Variants in FUT8 observed in about 807,000 individuals in gnomAD.
FUT8 encodes alpha-(1,6)-fucosyltransferase.
A neutral mutation model predicts 71.3 loss-of-function variants in FUT8; 29 were observed. The ratio of observed to expected loss-of-function variants is 0.41; its 90% CI spans 0.30 to 0.55. FUT8 has a LOEUF of 0.55. FUT8 is among the 20% of genes least tolerant of loss of function. FUT8 has a pLI of 0.34. For synonymous variants in FUT8, 254 were observed against 239.3 expected, an observed-to-expected ratio of 1.06 and a Z score of -0.57; for missense variants, 544 against 702.1, an observed-to-expected ratio of 0.77 and a Z score of 2.55.
intron 6 of FUT8, among the ~76,000 whole-genome samples, chr14:65,657,728 ATAGT>A (rs776122007): frequency 2.0e-4 from 30 of 152,090 alleles, no homozygotes; most frequent in Admixed American, 1.3e-4. Context: ...GGTACAAAAA[ATAGT>A]TAGAAAGAAA....
chr14:65,694,452 A>G (rs1413145351), intron 7 of FUT8, among the ~76,000 whole-genome samples: 2 of 152,156 alleles, frequency 1.3e-5, no homozygotes, highest in Non-Finnish European at 2.9e-5. Flanking sequence ...CTTTTTGTTA[A>G]TGATTTCTAG....
At chr14:65,555,426 C>T (rs1885535648) in intron 2 of FUT8, among the ~76,000 whole-genome samples, 1 of 152,140 alleles carries the variant, frequency 6.6e-6, no homozygotes, top group Non-Finnish European at 1.5e-5. Flanking sequence ...TTGCAAGCCT[C>T]ATGAGTTCTT....
At chr14:65,730,583 G>A (rs1269347154) in intron 9 of FUT8, among the ~76,000 whole-genome samples, 1 of 152,148 alleles carries the variant, frequency 6.6e-6, no homozygotes, top group African/African-American at 2.4e-5. Flanking sequence ...TGAGGCAGGA[G>A]ATGATGTGAA....
intron 1 of FUT8, among the ~76,000 whole-genome samples, chr14:65,436,355 G>A (rs1485737272): frequency 1.3e-5 from 2 of 152,170 alleles, no homozygotes; most frequent in African/African-American, 4.8e-5. Context: ...TAGTGGCCAG[G>A]CACAGTGGCT....
At chr14:65,412,090 G>A (rs1325408608), upstream of FUT8, 3 of 456,682 alleles carry the variant, frequency 6.6e-6, no homozygotes, top group Admixed American at 2.3e-5. Context: ...TGTCGCAGCC[G>A]CGGGTCGGGA....
chr14:65,625,180 A>T (rs1275567204), intron 5 of FUT8, among the ~76,000 whole-genome samples: 1 of 152,174 alleles, frequency 6.6e-6, no homozygotes, highest in Admixed American at 6.5e-5. Flanking sequence ...TTCTATTATG[A>T]TGAAACCTAT....
In FUT8 at chr14:65,463,519, A is replaced by G. The variant is rs12587986; in HGVS notation, c.-228+7801A>G. ...CTGTGCTCAAGCAGTTCCCCACCTC[A>G]GCCTCCCAAAGTGCTGGGATTACAG... On this transcript the variant is annotated intron_variant, in intron 2 of 10. Transcript: ENST00000673929. Among the ~76,000 whole-genome samples, 1,219 of 152,224 alleles carry G rather than the reference A, an allele frequency of 8.0e-3. 54 individuals carry two copies. In the East Asian group the frequency reaches 0.13, roughly 16 times the overall value.
rs370686605 is a variant in FUT8, at chr14:65,520,999, AT to A, written c.-227-40333del. On this transcript the variant is annotated intron_variant, in intron 2 of 10. Transcript: ENST00000673929. ...GATTTCTTTCTCTTTTTTACTTTTTATTTTTGAAAAAAATAAGCCCATTCCA... is the reference window on the plus strand; with the variant it reads ...GATTTCTTTCTCTTTTTTACTTTTTATTTTGAAAAAAATAAGCCCATTCCA... Among the ~76,000 whole-genome samples, 85 of 152,152 alleles carry A rather than the reference AT, an allele frequency of 5.6e-4. No homozygotes were observed. In the East Asian group the frequency reaches 0.013, roughly 23 times the overall value.
chr14:65,614,507 T>C (rs1177957642), intron 3 of FUT8, among the ~76,000 whole-genome samples: 3 of 152,208 alleles, frequency 2.0e-5, no homozygotes, highest in Non-Finnish European at 2.9e-5. Context: ...GAGATCTGAA[T>C]TGAGTTTCAC....
intron 2 of FUT8, among the ~76,000 whole-genome samples, chr14:65,468,980 AG>A (rs2066092782): frequency 6.6e-6 from 1 of 152,026 alleles, no homozygotes; most frequent in Non-Finnish European, 1.5e-5. Context: ...AAAAAATCGT[AG>A]AAACAGGGTC....
upstream of FUT8, among the ~76,000 whole-genome samples, chr14:65,407,439 A>C (rs956863268): frequency 6.6e-6 from 1 of 152,196 alleles, no homozygotes; most frequent in African/African-American, 2.4e-5. Flanking sequence ...AGTATGATCT[A>C]TTACATTAAA....
intron 2 of FUT8, among the ~76,000 whole-genome samples, chr14:65,508,409 G>GT (rs760808483): frequency 0.02 from 2,251 of 114,384 alleles, 40 homozygotes; most frequent in African/African-American, 0.058. Context: ...TTGTATGTCT[G>GT]TTTTTTTTTT....
chr14:65,363,813 T>G, the FUT8 span, among the ~76,000 whole-genome samples: 21 of 152,356 alleles, frequency 1.4e-4, no homozygotes, highest in African/African-American at 4.8e-4. Context: ...TACCACTTCT[T>G]TGAGTCTCCA....
At chr14:65,545,483 G>T (rs1233152121) in intron 2 of FUT8, among the ~76,000 whole-genome samples, 1 of 151,808 alleles carries the variant, frequency 6.6e-6, no homozygotes, top group Non-Finnish European at 1.5e-5. Context: ...AAGAAAATGA[G>T]TGTGAAATAT....
chr14:65,657,996 C>T (rs1891770579), intron 6 of FUT8, among the ~76,000 whole-genome samples: 1 of 151,996 alleles, frequency 6.6e-6, no homozygotes, highest in Non-Finnish European at 1.5e-5. Flanking sequence ...AAACTTTTTA[C>T]TTACCAGCAA....
intron 2 of FUT8, among the ~76,000 whole-genome samples, chr14:65,534,838 C>T (rs1884187820): frequency 6.6e-6 from 1 of 151,058 alleles, no homozygotes; most frequent in South Asian, 2.1e-4. Flanking sequence ...AGCTAGTGGT[C>T]TATGAATCTT....
At chr14:65,438,857 C>T (rs2065599594) in intron 1 of FUT8, among the ~76,000 whole-genome samples, 1 of 152,178 alleles carries the variant, frequency 6.6e-6, no homozygotes, top group Non-Finnish European at 1.5e-5. Flanking sequence ...CAGTTAGAAG[C>T]TGCTATGCAT....
intron 2 of FUT8, among the ~76,000 whole-genome samples, chr14:65,519,744 A>T (rs146043060): frequency 0.015 from 2,274 of 152,270 alleles, 19 homozygotes; most frequent in South Asian, 0.024. Flanking sequence ...TTGATACTCA[A>T]CATTTACCTT....
chr14:65,582,556 A>G (rs1887148888), intron 3 of FUT8, among the ~76,000 whole-genome samples: 1 of 152,116 alleles, frequency 6.6e-6, no homozygotes, highest in Non-Finnish European at 1.5e-5. Flanking sequence ...TTAAAATTCA[A>G]CCTAAGCGTG....
Sources: allele counts gnomAD v4.1 joint callset (sites outside exome capture counted in the v4.1 genomes callset), GRCh38; gene constraint gnomAD v4.1.1; transcripts MANE v1.5; gene names NCBI Gene and HGNC (gene_info 2026-07-23, HGNC 2026-07-21).